Variants in FSTL4 observed in about 807,000 individuals in gnomAD.
FSTL4 encodes the protein follistatin-related protein 4.
FSTL4 carries 28 observed loss-of-function variants against 78.2 expected under a neutral mutation model. The observed-to-expected ratio is 0.36, with a 90% CI of 0.27 to 0.49. The LOEUF is 0.49. Among genes scored for constraint, FSTL4 ranks in the 20% least tolerant of loss-of-function variants. The pLI is 0.98. For missense variants in FSTL4, 922 were observed against 1,084.9 expected, an observed-to-expected ratio of 0.85 and a Z score of 2.11; for synonymous variants, 422 against 440.5, an observed-to-expected ratio of 0.96 and a Z score of 0.53.
chr5:133,204,383 G>GAT (rs1750425713), intron 14 of FSTL4, among the ~76,000 whole-genome samples: 3 of 152,144 alleles, frequency 2.0e-5, no homozygotes, highest in African/African-American at 7.2e-5. Flanking sequence ...ACAATATTAG[G>GAT]ATATTATTTT....
At chr5:133,220,922 G>T in intron 11 of FSTL4, 56 bp from the exon 12 acceptor site, 1 of 979,112 alleles carries the variant, frequency 1.0e-6, no homozygotes, top group Non-Finnish European at 1.7e-6. Flanking sequence ...CCTGGGCAGG[G>T]TCACACGCAG....
chr5:133,376,986 A>T (rs1176673066), intron 4 of FSTL4, among the ~76,000 whole-genome samples: 1 of 152,078 alleles, frequency 6.6e-6, no homozygotes, highest in Non-Finnish European at 1.5e-5. Flanking sequence ...TTTGCCAGCT[A>T]AATGTGAAGG....
chr5:133,800,313 G>A, the FSTL4 span, among the ~76,000 whole-genome samples: 1 of 138,252 alleles, frequency 7.2e-6, no homozygotes, highest in Non-Finnish European at 1.6e-5. Flanking sequence ...TGGTGAGGCA[G>A]TCTTGCACCA....
intron 4 of FSTL4, among the ~76,000 whole-genome samples, chr5:133,358,285 T>C (rs535742566): frequency 1.3e-4 from 20 of 152,336 alleles, no homozygotes; most frequent in Non-Finnish European, 2.4e-4. Flanking sequence ...TTCAGGAAAT[T>C]GGCTATAACT....
At chr5:133,805,297 A>G in the FSTL4 span, among the ~76,000 whole-genome samples, 1 of 152,024 alleles carries the variant, frequency 6.6e-6, no homozygotes, top group Non-Finnish European at 1.5e-5. Flanking sequence ...ATGCGCTATT[A>G]CCCGGAAAGA....
In FSTL4 at chr5:133,577,728, A is replaced by AC. The variant is rs551031114; in HGVS notation, c.127-10510dup. Among the ~76,000 whole-genome samples, 582 of 151,836 alleles carry AC rather than the reference A, an allele frequency of 3.8e-3. 3 individuals carry two copies. The highest frequency in any genetic ancestry group is 0.013 in the African/African-American group (553 of 41,414). On this transcript the variant is annotated intron_variant, in intron 2 of 15. Coordinates refer to ENST00000265342, the MANE Select transcript of FSTL4 (RefSeq NM_015082.2). ...AGACCAGCCTGGGCAACATAGTGAAACCCCCCTCTCTACAAAAAAATATGA... is the reference window on the plus strand; with the variant it reads ...AGACCAGCCTGGGCAACATAGTGAAACCCCCCCTCTCTACAAAAAAATATGA...
chr5:133,342,033 C>T (rs1422435447), intron 4 of FSTL4, among the ~76,000 whole-genome samples: 2 of 152,142 alleles, frequency 1.3e-5, no homozygotes, highest in Admixed American at 6.5e-5. Flanking sequence ...TCTGGCAACT[C>T]GCACAGACCC....
chr5:133,514,531 G>C (rs1264943425), intron 3 of FSTL4, among the ~76,000 whole-genome samples: 1 of 152,208 alleles, frequency 6.6e-6, no homozygotes, highest in Non-Finnish European at 1.5e-5. Flanking sequence ...GCAGGCAATA[G>C]AGTTTCCACT....
intron 4 of FSTL4, among the ~76,000 whole-genome samples, chr5:133,381,606 C>G (rs1561693854): frequency 6.6e-6 from 1 of 152,192 alleles, no homozygotes; most frequent in Non-Finnish European, 1.5e-5. Context: ...TAAAGCACAG[C>G]CTAATTCCTA....
chr5:133,757,715 GA>G, the FSTL4 span, among the ~76,000 whole-genome samples: 1 of 152,184 alleles, frequency 6.6e-6, no homozygotes, highest in Admixed American at 6.5e-5. Flanking sequence ...GCGAGGCAGT[GA>G]AGACCTCAGA....
chr5:133,375,574 G>C (rs1168618795), intron 4 of FSTL4, among the ~76,000 whole-genome samples: 1 of 151,916 alleles, frequency 6.6e-6, no homozygotes, highest in East Asian at 1.9e-4. Context: ...CTGGAGTGTT[G>C]GTGAAAGCAT....
intron 4 of FSTL4, among the ~76,000 whole-genome samples, chr5:133,387,162 C>T (rs1755719460): frequency 6.6e-6 from 1 of 152,180 alleles, no homozygotes; most frequent in African/African-American, 2.4e-5. Context: ...CCCACCCACC[C>T]ACTCTTCCAG....
Position 133,322,212 on chromosome 5 carries a change from T to TAC in FSTL4, c.410-5562_410-5561dup, listed in dbSNP as rs1257328325. Among the ~76,000 whole-genome samples, 3 of 140,592 alleles carry TAC rather than the reference T, an allele frequency of 2.1e-5. No individual in the cohort carries two copies. In the South Asian group the frequency reaches 6.9e-4, roughly 33 times the overall value. 92.2% of individuals were successfully genotyped at this position (140,592 alleles called of 152,430 possible). ...CTCGTCTGTAGGAAGCTTGTCCACT[T>TAC]ACACACACACACCCACACACACACA... On this transcript the variant is annotated intron_variant, in intron 4 of 15. Coordinates refer to ENST00000265342, the MANE Select transcript of FSTL4 (RefSeq NM_015082.2).
intron 2 of FSTL4, 96 bp from the exon 3 acceptor site, chr5:133,567,315 A>C (rs981651864): frequency 1.1e-6 from 1 of 893,838 alleles, no homozygotes; most frequent in Non-Finnish European, 1.9e-6. Context: ...ACATTTATGA[A>C]AAGGTGAACA....
At chr5:133,389,811 T>C (rs1186629816) in intron 4 of FSTL4, among the ~76,000 whole-genome samples, 2 of 152,254 alleles carry the variant, frequency 1.3e-5, no homozygotes, top group African/African-American at 2.4e-5. Context: ...TGAAAATCCC[T>C]ATAAAAATAC....
At chr5:133,221,049 G>A in intron 11 of FSTL4, 183 bp from the exon 12 acceptor site, 1 of 690,152 alleles carries the variant, frequency 1.4e-6, no homozygotes. Context: ...GGTGCAGAGA[G>A]GGCCCCCCAG....
chr5:133,386,366 C>A (rs910743023), intron 4 of FSTL4, among the ~76,000 whole-genome samples: 6 of 152,220 alleles, frequency 3.9e-5, no homozygotes, highest in African/African-American at 1.4e-4. Context: ...GTGGTGCCTT[C>A]ACTCAAGTTC....
At chr5:133,718,300 C>T in the FSTL4 span, among the ~76,000 whole-genome samples, 2 of 152,108 alleles carry the variant, frequency 1.3e-5, no homozygotes, top group African/African-American at 4.8e-5. Context: ...AGGGTGGTCT[C>T]AAACTCCTGA....
chr5:133,376,542 T>C (rs1100635), intron 4 of FSTL4, among the ~76,000 whole-genome samples: 1 of 151,660 alleles, frequency 6.6e-6, no homozygotes, highest in Non-Finnish European at 1.5e-5. Flanking sequence ...ATTTTGATTT[T>C]AAAAAAAACA....
Sources: gnomAD v4.1 joint callset for allele counts (sites outside exome capture counted in the v4.1 genomes callset) on GRCh38, gnomAD v4.1.1 for gene constraint, MANE v1.5 for transcripts, NCBI Gene and HGNC (gene_info 2026-07-23, HGNC 2026-07-21) for gene names.